Variants in CLDN10 observed in about 807,000 individuals in gnomAD.
CLDN10 encodes claudin-10.
Under a neutral mutation model 22.9 loss-of-function variants are expected in CLDN10, and 15 were observed. The ratio of observed to expected loss-of-function variants is 0.65; its 90% CI spans 0.44 to 1.01. The LOEUF is 1.01. Ranked by LOEUF, CLDN10 falls within the 50% of genes least tolerant of loss-of-function variation. The probability of loss-of-function intolerance (pLI) is 0.00; values close to 1 mark genes in which losing one functional copy is unlikely to be tolerated. For synonymous variants in CLDN10, 114 were observed against 111.4 expected (o/e 1.02, Z -0.15); for missense variants, 247 against 287.8 (o/e 0.86, Z 1.03).
At chr13:95,569,959 G>T (rs957301518) in intron 3 of CLDN10, among the ~76,000 whole-genome samples, 1 of 152,098 alleles carries the variant, frequency 6.6e-6, no homozygotes, top group Admixed American at 6.5e-5. Flanking sequence ...TAGTAGAGAC[G>T]GGGTTTCACC....
At chr13:95,515,087 C>T (rs1044267500) in intron 1 of CLDN10, among the ~76,000 whole-genome samples, 1 of 152,176 alleles carries the variant, frequency 6.6e-6, no homozygotes, top group Admixed American at 6.5e-5. Context: ...CACACTATAG[C>T]CTTGAACTGC....
chr13:95,499,425 G>A (rs903890460), intron 1 of CLDN10, among the ~76,000 whole-genome samples: 6 of 152,068 alleles, frequency 3.9e-5, no homozygotes, highest in South Asian at 4.2e-4. Context: ...GCTTGTAATC[G>A]CAGCTACTTG....
chr13:95,440,191 C>T (rs1437976881), intron 1 of CLDN10, among the ~76,000 whole-genome samples: 2 of 152,272 alleles, frequency 1.3e-5, no homozygotes, highest in Non-Finnish European at 2.9e-5. Flanking sequence ...GGATTACAGG[C>T]GTGAGCCACC....
intron 1 of CLDN10, among the ~76,000 whole-genome samples, chr13:95,515,311 G>T (rs2043152470): frequency 6.6e-6 from 1 of 152,128 alleles, no homozygotes; most frequent in African/African-American, 2.4e-5. Flanking sequence ...CGATTCTCAT[G>T]CCTCAGACTC....
chr13:95,488,255 A>G (rs1480521190), intron 1 of CLDN10, among the ~76,000 whole-genome samples: 1 of 151,868 alleles, frequency 6.6e-6, no homozygotes, highest in Non-Finnish European at 1.5e-5. Context: ...AAAAAAAAAA[A>G]AAAGAAAGAT....
chr13:95,560,030 T>C (rs1032338260), intron 1 of CLDN10, 102 bp from the exon 2 acceptor site: 6 of 1,137,002 alleles, frequency 5.3e-6, no homozygotes, highest in Non-Finnish European at 6.3e-6. Flanking sequence ...ATCACAGTTA[T>C]CTTTTTGGAA....
chr13:95,577,168 T>G (rs1359714598), intron 3 of CLDN10, 63 bp from the exon 4 acceptor site: 2 of 1,032,434 alleles, frequency 1.9e-6, no homozygotes, highest in Non-Finnish European at 3.0e-6. Context: ...TGACTATCAG[T>G]GTTAAATACT....
intron 1 of CLDN10, among the ~76,000 whole-genome samples, chr13:95,553,505 G>A (rs1241986042): frequency 6.6e-6 from 1 of 152,222 alleles, no homozygotes; most frequent in Non-Finnish European, 1.5e-5. Flanking sequence ...GTTGGAAGCG[G>A]GAAAACATAT....
intron 1 of CLDN10, among the ~76,000 whole-genome samples, chr13:95,442,834 AG>A (rs1010407801): frequency 1.3e-5 from 2 of 152,194 alleles, no homozygotes; most frequent in African/African-American, 4.8e-5. Context: ...TTGCAAATGG[AG>A]GTAATAATAC....
chr13:95,478,562 G>A (rs555929478), intron 1 of CLDN10, among the ~76,000 whole-genome samples: 45 of 152,342 alleles, frequency 3.0e-4, no homozygotes, highest in African/African-American at 1.1e-3. Context: ...GGAGTGTGCA[G>A]GTCTGCCCGG....
At chr13:95,527,198 C>T (rs1228377543) in intron 1 of CLDN10, among the ~76,000 whole-genome samples, 1 of 152,164 alleles carries the variant, frequency 6.6e-6, no homozygotes, top group East Asian at 1.9e-4. Flanking sequence ...TAGGACCAAA[C>T]CTCTCAGTTC....
intron 3 of CLDN10, among the ~76,000 whole-genome samples, chr13:95,568,325 A>T (rs1037911327): frequency 2.0e-5 from 3 of 152,216 alleles, no homozygotes; most frequent in Admixed American, 2.0e-4. Context: ...GAAATAGTGC[A>T]GGCCACCTCA....
chr13:95,563,585 T>C (rs2043746297), intron 3 of CLDN10, among the ~76,000 whole-genome samples: 1 of 152,234 alleles, frequency 6.6e-6, no homozygotes, highest in Non-Finnish European at 1.5e-5. Context: ...GGACTTTCTC[T>C]CCTTCATCTC....
At chr13:95,450,612 C>T (rs1348757886) in intron 1 of CLDN10, among the ~76,000 whole-genome samples, 2 of 152,312 alleles carry the variant, frequency 1.3e-5, no homozygotes, top group East Asian at 3.9e-4. Flanking sequence ...GCTGGTCACC[C>T]AGGTTAGACA....
chr13:95,563,648 A>T (rs1389610159), intron 3 of CLDN10, among the ~76,000 whole-genome samples: 1 of 152,206 alleles, frequency 6.6e-6, no homozygotes, highest in African/African-American at 2.4e-5. Context: ...ATTTCAACAA[A>T]ATCCAGTTGG....
At chr13:95,559,874 T>C (rs981630601) in intron 1 of CLDN10, among the ~76,000 whole-genome samples, 2 of 152,158 alleles carry the variant, frequency 1.3e-5, no homozygotes, top group Non-Finnish European at 2.9e-5. Flanking sequence ...TGCCTCAGTT[T>C]CCTCACTGGT....
chr13:95,484,686 TACAAA>T lies in CLDN10; in HGVS notation c.214+50641_214+50645del, dbSNP rs1382724566. On this transcript the variant is annotated intron_variant, in intron 1 of 4. Coordinates refer to the CLDN10 transcript ENST00000376873. ...GGCGAAACCCCGTCTCTACTAAAAATACAAAAAAAAAAAAAAAAAACCCACAAAAA... is the reference window on the plus strand; with the variant it reads ...GGCGAAACCCCGTCTCTACTAAAAATAAAAAAAAAAAAAAACCCACAAAAA... 9.7e-5 allele frequency among the ~76,000 whole-genome samples: 3 copies of T among 30,932 alleles called. No individual in the cohort carries two copies. In the East Asian group the frequency reaches 2.1e-3, roughly 21 times the overall value. The allele number at this position is 30,932 out of a possible 152,430, so 20.3% of individuals were successfully genotyped here.
At chr13:95,471,440 C>CACACACACATATATATATAT (rs746573300) in intron 1 of CLDN10, among the ~76,000 whole-genome samples, 57 of 104,304 alleles carry the variant, frequency 5.5e-4, no homozygotes, top group Admixed American at 7.2e-4. Flanking sequence ...CACACACACA[C>CACACACACATATATATATAT]ATATATATAT....
chr13:95,538,153 CTTTTTTTTTTT>C (rs1176533524), intron 1 of CLDN10, among the ~76,000 whole-genome samples: 7 of 66,816 alleles, frequency 1.0e-4, no homozygotes, highest in East Asian at 5.4e-4. Context: ...CTGTTTATTT[CTTTTTTTTTTT>C]TTTTTTTTTT....
Sources: allele counts gnomAD v4.1 joint callset (sites outside exome capture counted in the v4.1 genomes callset), GRCh38; gene constraint gnomAD v4.1.1; transcripts MANE v1.5; gene names NCBI Gene and HGNC (gene_info 2026-07-23, HGNC 2026-07-21).